COL24A1: variants seen among roughly 807,000 people sequenced by gnomAD.
COL24A1 encodes collagen alpha-1(XXIV) chain.
In COL24A1, 224 loss-of-function variants were observed where a neutral mutation model predicts 253.9. The ratio of observed to expected loss-of-function variants is 0.88; its 90% CI spans 0.79 to 0.99. The LOEUF is 0.99. COL24A1 is among the 50% of genes least tolerant of loss of function. The pLI is 0.00. For missense variants in COL24A1, 2,131 were observed against 2,068.5 expected, an observed-to-expected ratio of 1.03 and a Z score of -0.59; for synonymous variants, 685 against 673.7, an observed-to-expected ratio of 1.02 and a Z score of -0.26.
chr1:86,112,576 A>G lies in COL24A1; in HGVS notation c.1590T>C (p.Pro530=), dbSNP rs747740302. 1 of 1,613,318 alleles carries G rather than the reference A, an allele frequency of 6.2e-7. No individual in the cohort carries two copies. The highest frequency in any genetic ancestry group is 8.5e-7 in the Non-Finnish European group (1 of 1,179,442). ...PHGNPGLPGL[P]GPKGPKGDPG... ...ATTAGTAGTCACTTACCTTTGGACC[A>G]GGTAATCCAGGTAAACCAGGATTTC... Residue 530 remains proline, a synonymous_variant, in exon 5 of 60, where the codon CCT becomes CCC. Transcript: ENST00000370571.
At chr1:85,799,426 A>T (rs1030168302) in intron 47 of COL24A1, among the ~76,000 whole-genome samples, 2 of 148,808 alleles carry the variant, frequency 1.3e-5, no homozygotes, top group Non-Finnish European at 3.0e-5. Context: ...AGATGTCCTT[A>T]TCCTCGGTTG....
intron 11 of COL24A1, among the ~76,000 whole-genome samples, chr1:86,049,716 A>G (rs1456046608): frequency 6.6e-6 from 1 of 152,092 alleles, no homozygotes; most frequent in East Asian, 1.9e-4. Context: ...GCTATCTCCC[A>G]TTATTAAATT....
At chr1:85,866,010 C>T (rs908649814) in intron 37 of COL24A1, among the ~76,000 whole-genome samples, 3 of 152,158 alleles carry the variant, frequency 2.0e-5, no homozygotes, top group African/African-American at 7.2e-5. Flanking sequence ...TGCCTGTAAT[C>T]CCAGCACTTT....
chr1:86,112,679 A>G (rs752552964), intron 4 of COL24A1, 59 bp from the exon 5 acceptor site: 13 of 1,472,244 alleles, frequency 8.8e-6, no homozygotes, highest in Non-Finnish European at 1.2e-5. Context: ...ACAAAGTACA[A>G]TTGCTTACTT....
At chr1:86,047,450 T>A (rs904186066) in intron 11 of COL24A1, among the ~76,000 whole-genome samples, 1 of 152,176 alleles carries the variant, frequency 6.6e-6, no homozygotes, top group African/African-American at 2.4e-5. Flanking sequence ...AGACAAAACC[T>A]TGTCCAAATC....
At chr1:85,968,578 C>T (rs1458542700) in intron 22 of COL24A1, among the ~76,000 whole-genome samples, 1 of 152,142 alleles carries the variant, frequency 6.6e-6, no homozygotes, top group East Asian at 1.9e-4. Context: ...CAATTGTTCT[C>T]TACTTAATTT....
chr1:86,119,999 C>T (rs1201974397), intron 3 of COL24A1, among the ~76,000 whole-genome samples: 2 of 152,178 alleles, frequency 1.3e-5, no homozygotes, highest in Non-Finnish European at 2.9e-5. Flanking sequence ...ACATCTACAA[C>T]TATCTGATCT....
intron 52 of COL24A1, among the ~76,000 whole-genome samples, chr1:85,778,042 T>TATCC (rs1354397757): frequency 6.6e-6 from 1 of 151,976 alleles, no homozygotes; most frequent in Non-Finnish European, 1.5e-5. Context: ...TCTATCTATC[T>TATCC]ATCTATCTAT....
rs140109854 is a variant in COL24A1, at chr1:86,138,848, C to CT, written c.121+7270dup. ...TTCTTGCCATAACAAAGCTTATCTG[C>CT]TTTTTTTTTTATCTCATCCCGTCAG... is the stretch of plus-strand genomic sequence containing the variant. On this transcript the variant is annotated intron_variant, in intron 2 of 59. Transcript: ENST00000370571. 6.3e-3 allele frequency among the ~76,000 whole-genome samples: 934 copies of CT among 148,716 alleles called. 13 individuals carry two copies. In the East Asian group the frequency reaches 0.065, roughly 10 times the overall value.
chr1:85,757,804 G>A (rs1666419412), intron 55 of COL24A1, among the ~76,000 whole-genome samples: 1 of 152,138 alleles, frequency 6.6e-6, no homozygotes, highest in African/African-American at 2.4e-5. Context: ...TGCCTGGGAA[G>A]TCATTCAGTC....
chr1:85,971,523 G>T (rs2100771743), intron 20 of COL24A1, 130 bp from the exon 21 acceptor site: 3 of 730,932 alleles, frequency 4.1e-6, no homozygotes, highest in East Asian at 5.9e-5. Flanking sequence ...TCCTCAAAAT[G>T]GGTTGCAGTA....
At chr1:85,755,068 T>C (rs777694907) in intron 55 of COL24A1, among the ~76,000 whole-genome samples, 2 of 152,184 alleles carry the variant, frequency 1.3e-5, no homozygotes, top group South Asian at 2.1e-4. Flanking sequence ...AAGCTCATCA[T>C]GTCCGAGAGA....
chr1:85,746,259 T>C (rs1158387343), intron 55 of COL24A1, among the ~76,000 whole-genome samples: 1 of 152,186 alleles, frequency 6.6e-6, no homozygotes, highest in African/African-American at 2.4e-5. Flanking sequence ...GAAGGCTGCA[T>C]AATAGAAACT....
chr1:86,049,344 A>C (rs543121450), intron 11 of COL24A1, among the ~76,000 whole-genome samples: 1 of 152,320 alleles, frequency 6.6e-6, no homozygotes, highest in South Asian at 2.1e-4. Context: ...TATTTGAAAA[A>C]TTCATTTAGC....
At chr1:85,922,772 T>C (rs992590775) in intron 24 of COL24A1, among the ~76,000 whole-genome samples, 3 of 152,080 alleles carry the variant, frequency 2.0e-5, no homozygotes, top group Non-Finnish European at 4.4e-5. Context: ...ACGGGCAAAA[T>C]AACCAGCTAA....
intron 47 of COL24A1, among the ~76,000 whole-genome samples, chr1:85,811,574 A>G (rs971570922): frequency 6.6e-6 from 1 of 152,094 alleles, no homozygotes; most frequent in Admixed American, 6.6e-5. Flanking sequence ...CTTGTGTTCT[A>G]ATTTCTCCAC....
At chr1:86,087,411 A>G (rs1229274378) in intron 7 of COL24A1, among the ~76,000 whole-genome samples, 2 of 152,228 alleles carry the variant, frequency 1.3e-5, no homozygotes, top group African/African-American at 4.8e-5. Context: ...CAAAGTTAAA[A>G]TGATAATCTG....
At chr1:85,947,392 G>T (rs780573397) in intron 24 of COL24A1, among the ~76,000 whole-genome samples, 1 of 152,174 alleles carries the variant, frequency 6.6e-6, no homozygotes, top group Non-Finnish European at 1.5e-5. Context: ...TTAGTTATAG[G>T]TGACATGGAG....
At chr1:85,818,570 T>C (rs1673281009) in intron 45 of COL24A1, among the ~76,000 whole-genome samples, 1 of 152,234 alleles carries the variant, frequency 6.6e-6, no homozygotes, top group Non-Finnish European at 1.5e-5. Flanking sequence ...TCTGGAAGAA[T>C]AGAGAAGAGC....
Sources: gnomAD v4.1 joint callset for allele counts (sites outside exome capture counted in the v4.1 genomes callset) on GRCh38, gnomAD v4.1.1 for gene constraint, MANE v1.5 for transcripts, NCBI Gene and HGNC (gene_info 2026-07-23, HGNC 2026-07-21) for gene names.